TLK1: variants seen among roughly 807,000 people sequenced by gnomAD.
TLK1 encodes tousled like kinase 1, also known as serine/threonine-protein kinase tousled-like 1.
A neutral mutation model predicts 105.3 loss-of-function variants in TLK1; 24 were observed. The ratio of observed to expected loss-of-function variants is 0.23; its 90% CI spans 0.17 to 0.32. The LOEUF (loss-of-function observed/expected upper bound fraction) is 0.32, where lower values mean the gene tolerates loss of function less well. Ranked by LOEUF, TLK1 falls within the 10% of genes least tolerant of loss-of-function variation. TLK1 has a pLI of 1.00. For missense variants in TLK1, 558 were observed against 910.5 expected, an observed-to-expected ratio of 0.61 and a Z score of 4.98; for synonymous variants, 321 against 310.4, an observed-to-expected ratio of 1.03 and a Z score of -0.36.
intron 3 of TLK1, among the ~76,000 whole-genome samples, chr2:171,073,435 G>GGTC (rs1688351992): frequency 6.6e-6 from 1 of 151,982 alleles, no homozygotes; most frequent in Non-Finnish European, 1.5e-5. Context: ...AACTCAACTA[G>GGTC]ACAGAATATA....
chr2:171,091,451 T>C (rs1689226564), intron 2 of TLK1, among the ~76,000 whole-genome samples: 2 of 152,140 alleles, frequency 1.3e-5, no homozygotes, highest in Admixed American at 1.3e-4. Flanking sequence ...ACATTTCCCA[T>C]TTTAGGTATT....
At chr2:171,055,413 A>G (rs1340459071) in intron 6 of TLK1, among the ~76,000 whole-genome samples, 1 of 151,940 alleles carries the variant, frequency 6.6e-6, no homozygotes, top group Admixed American at 6.6e-5. Flanking sequence ...CCCTGCCCTC[A>G]TAGAGCTTAC....
In TLK1 at chr2:171,072,089, G is replaced by A. The variant is rs1688285524; in HGVS notation, c.330+10692C>T. Reference sequence around the variant, plus strand: ...GCTCTGGCTATTCTGGGTCTTTTGTGGTTCTATACAAATTTTAGAATTATT... The same window carrying A: ...GCTCTGGCTATTCTGGGTCTTTTGTAGTTCTATACAAATTTTAGAATTATT... On this transcript the variant is annotated intron_variant, in intron 3 of 20. Coordinates refer to ENST00000431350, the MANE Select transcript of TLK1 (RefSeq NM_012290.5). Among the ~76,000 whole-genome samples the A allele has an allele frequency of 2.0e-5, 3 of 152,032 alleles. No individual in the cohort carries two copies. In the South Asian group the frequency reaches 6.2e-4, roughly 32 times the overall value.
chr2:171,109,180 T>C (rs964547702), intron 2 of TLK1, among the ~76,000 whole-genome samples: 3 of 152,090 alleles, frequency 2.0e-5, no homozygotes, highest in Admixed American at 1.3e-4. Context: ...TCTGAACAAA[T>C]ACAATTAACA....
intron 11 of TLK1, among the ~76,000 whole-genome samples, chr2:171,039,687 T>C (rs1005550923): frequency 2.6e-5 from 4 of 152,196 alleles, no homozygotes; most frequent in African/African-American, 9.7e-5. Flanking sequence ...TTATGCTGCA[T>C]TCAGGATTGT....
intron 1 of TLK1, among the ~76,000 whole-genome samples, chr2:171,200,641 T>C (rs1407787834): frequency 1.3e-5 from 2 of 152,138 alleles, no homozygotes; most frequent in Non-Finnish European, 2.9e-5. Flanking sequence ...GCCCAGGAGT[T>C]CAAGGCTATA....
intron 1 of TLK1, among the ~76,000 whole-genome samples, chr2:171,188,623 G>A (rs773372925): frequency 3.3e-5 from 5 of 150,010 alleles, no homozygotes; most frequent in South Asian, 2.1e-4. Context: ...GGAGAATCAC[G>A]TGAACCTGGG....
In TLK1 at chr2:171,028,452, GTTT is replaced by G. The variant is rs567224070; in HGVS notation, c.1170-50_1170-48del. The G allele has an allele frequency of 1.9e-4, 235 of 1,261,484 alleles. 1 individual carries two copies. The South Asian group carries it at 2.6e-3, about 14-fold the overall frequency. 78.1% of individuals were successfully genotyped at this position (1,261,484 alleles called of 1,614,324 possible). On this transcript the variant is annotated intron_variant, in intron 11 of 20. Transcript: ENST00000431350. Reference sequence around the variant, plus strand: ...TTCTACATATTGAGATTAATACTTAGTTTATTAACAACTAGCAAAATATAAAAA... The same window carrying G: ...TTCTACATATTGAGATTAATACTTAGATTAACAACTAGCAAAATATAAAAA...
chr2:171,123,762 T>C (rs1011318742), intron 1 of TLK1, among the ~76,000 whole-genome samples: 1 of 152,166 alleles, frequency 6.6e-6, no homozygotes, highest in African/African-American at 2.4e-5. Flanking sequence ...CAGTGAGTCA[T>C]GATTGTGCCA....
intron 1 of TLK1, among the ~76,000 whole-genome samples, chr2:171,190,074 A>G (rs1693115629): frequency 6.6e-6 from 1 of 152,214 alleles, no homozygotes. Flanking sequence ...AAATTTGCAC[A>G]ATTAAGATCT....
intron 1 of TLK1, among the ~76,000 whole-genome samples, chr2:171,123,463 A>G (rs1690742204): frequency 6.6e-6 from 1 of 152,116 alleles, no homozygotes. Flanking sequence ...TGTGCCTCCT[A>G]AAGTGCTGGG....
chr2:171,215,350 CCAACACAAAT>C (rs1693693758), intron 1 of TLK1, among the ~76,000 whole-genome samples: 1 of 152,166 alleles, frequency 6.6e-6, no homozygotes, highest in African/African-American at 2.4e-5. Context: ...TGTTTAGTTT[CCAACACAAAT>C]ACAGAACAGA....
In TLK1 at chr2:171,027,521, TCA is replaced by T. The variant is rs899313594; in HGVS notation, c.1236+816_1236+817del. ...CAATAACACATAGCAACATTTTTTCTCAGTTTTATCCCTTTATACTATCACTA... is the reference window on the plus strand; with the variant it reads ...CAATAACACATAGCAACATTTTTTCTGTTTTATCCCTTTATACTATCACTA... On this transcript the variant is annotated intron_variant, in intron 12 of 20. Coordinates refer to ENST00000431350, the MANE Select transcript of TLK1 (RefSeq NM_012290.5). Among the ~76,000 whole-genome samples, 20 of 152,334 alleles carry T rather than the reference TCA, an allele frequency of 1.3e-4. No homozygotes were observed. The South Asian group carries it at 1.9e-3, about 14-fold the overall frequency.
rs1195350832 is a variant in TLK1, at chr2:170,993,685, AAAAAAG to A, written c.*89_*94del. The A allele has an allele frequency of 1.4e-5, 14 of 994,250 alleles. No individual in the cohort carries two copies. Among genetic ancestry groups the A allele is most frequent in the South Asian group, 6.0e-5 (2 of 33,284 alleles). The allele number at this position is 994,250 out of a possible 1,614,324, so 61.6% of individuals were successfully genotyped here. ...GTCTTGTGTAAAAAAAAAAAAAAAA[AAAAAAG>A]AAAAAGAAAACAAACACTCAAATGC... On this transcript the variant is annotated 3_prime_UTR_variant, in exon 21 of 21. Coordinates refer to ENST00000431350, the MANE Select transcript of TLK1 (RefSeq NM_012290.5).
At chr2:171,117,045 C>T (rs1166892772) in intron 2 of TLK1, among the ~76,000 whole-genome samples, 3 of 152,130 alleles carry the variant, frequency 2.0e-5, no homozygotes, top group Non-Finnish European at 4.4e-5. Flanking sequence ...AGGCTGAACA[C>T]AGCAATACCT....
At chr2:171,220,417 A>C (rs1239798127) in intron 1 of TLK1, among the ~76,000 whole-genome samples, 2 of 152,180 alleles carry the variant, frequency 1.3e-5, no homozygotes, top group African/African-American at 2.4e-5. Flanking sequence ...CAGAAGTGAC[A>C]GTGTATGATT....
rs1483071829 is a variant in TLK1, at chr2:170,993,405, C to T, written c.*375G>A. ...GTGTTTTTAAATAATGAAAAACTAC[C>T]CTTCATATTAGAACTCTCTAGTAAC... is the stretch of plus-strand genomic sequence containing the variant. On this transcript the variant is annotated 3_prime_UTR_variant, in exon 21 of 21. Transcript: ENST00000431350. 6.2e-6 allele frequency: 1 copy of T among 161,090 alleles called. No individual in the cohort carries two copies. Among genetic ancestry groups the T allele is most frequent in the Non-Finnish European group, 1.3e-5 (1 of 74,164 alleles). The allele number at this position is 161,090 out of a possible 1,614,324, so 10.0% of individuals were successfully genotyped here.
intron 1 of TLK1, among the ~76,000 whole-genome samples, chr2:171,135,309 GTGTGTGTGTGTATATATATATATATA>G (rs1691264695): frequency 9.6e-6 from 1 of 103,744 alleles, no homozygotes. Context: ...GTGTTTGTGT[GTGTGTGTGTGTATATATATATATATA>G]TATATATATC....
At chr2:171,223,533 G>A (rs541957273) in intron 1 of TLK1, among the ~76,000 whole-genome samples, 1 of 140,534 alleles carries the variant, frequency 7.1e-6, no homozygotes, top group South Asian at 2.2e-4. Flanking sequence ...AGGCTGGAGT[G>A]CAGTGGCAAG....
Sources: allele counts gnomAD v4.1 joint callset (sites outside exome capture counted in the v4.1 genomes callset), GRCh38; gene constraint gnomAD v4.1.1; transcripts MANE v1.5; gene names NCBI Gene and HGNC (gene_info 2026-07-23, HGNC 2026-07-21).